SFXN5: variants seen among roughly 807,000 people sequenced by gnomAD.
SFXN5 encodes the protein sideroflexin 5.
Under a neutral mutation model 50.2 loss-of-function variants are expected in SFXN5, and 43 were observed. The ratio of observed to expected loss-of-function variants is 0.86; its 90% CI spans 0.67 to 1.11. The LOEUF is 1.11. SFXN5 is among the 50% of genes least tolerant of loss of function. The probability of loss-of-function intolerance (pLI) is 0.00; values close to 1 mark genes in which losing one functional copy is unlikely to be tolerated. For synonymous variants in SFXN5, 203 were observed against 185.8 expected (o/e 1.09, Z -0.75); for missense variants, 463 against 454.1 (o/e 1.02, Z -0.18).
chr2:72,980,304 G>A (rs183483126), intron 10 of SFXN5, among the ~76,000 whole-genome samples: 27 of 152,280 alleles, frequency 1.8e-4, no homozygotes, highest in Non-Finnish European at 3.7e-4. Context: ...GTCCCTGCCC[G>A]GGAAGGTCTA....
At chr2:72,975,193 T>A (rs1257810412) in intron 10 of SFXN5, among the ~76,000 whole-genome samples, 1 of 152,220 alleles carries the variant, frequency 6.6e-6, no homozygotes, top group Non-Finnish European at 1.5e-5. Context: ...TGTTCTCACA[T>A]CCGACCCATT....
intron 3 of SFXN5, among the ~76,000 whole-genome samples, chr2:73,027,885 C>G (rs550591533): frequency 1.3e-5 from 2 of 152,304 alleles, no homozygotes; most frequent in African/African-American, 4.8e-5. Context: ...TGGTCTCCAA[C>G]TCCTGGGCTC....
At chr2:73,014,208 TTTC>T (rs1433364742) in intron 6 of SFXN5, among the ~76,000 whole-genome samples, 3 of 152,188 alleles carry the variant, frequency 2.0e-5, no homozygotes, top group Non-Finnish European at 4.4e-5. Context: ...CTGCAAATAT[TTTC>T]TTTTCATATT....
intron 10 of SFXN5, chr2:72,981,352 C>A (rs953766084): frequency 6.6e-6 from 1 of 152,116 alleles, no homozygotes; most frequent in Non-Finnish European, 1.5e-5. Flanking sequence ...ACGAGACCCC[C>A]GGGTCTCTGT....
Sources: allele counts gnomAD v4.1 joint callset (sites outside exome capture counted in the v4.1 genomes callset), GRCh38; gene constraint gnomAD v4.1.1; transcripts MANE v1.5; gene names NCBI Gene and HGNC (gene_info 2026-07-23, HGNC 2026-07-21).